Variants in ROBO1 observed in about 807,000 individuals in gnomAD.
ROBO1 encodes the protein roundabout guidance receptor 1.
In ROBO1, 149 loss-of-function variants were observed where a neutral mutation model predicts 195.9. That is an observed-to-expected ratio of 0.76 (90% CI 0.67 to 0.87). The LOEUF is 0.87. Ranked by LOEUF, ROBO1 falls within the 40% of genes least tolerant of loss-of-function variation. ROBO1 has a pLI of 0.00. For missense variants in ROBO1, 1,933 were observed against 2,068.3 expected (o/e 0.93, Z 1.27); for synonymous variants, 816 against 733.2 (o/e 1.11, Z -1.82).
chr3:78,718,071 T>C (rs1313167255), intron 5 of ROBO1, among the ~76,000 whole-genome samples, 188 bp from the exon 6 acceptor site: 2 of 152,214 alleles, frequency 1.3e-5, no homozygotes, highest in Non-Finnish European at 2.9e-5. Context: ...AAAGGTACAA[T>C]ATAAAAGAAG....
chr3:79,289,876 A>G (rs917624880), intron 2 of ROBO1, among the ~76,000 whole-genome samples: 1 of 152,014 alleles, frequency 6.6e-6, no homozygotes, highest in South Asian at 2.1e-4. Context: ...ATAGGCTGAG[A>G]TATTATTTTC....
At chr3:79,066,595 A>T (rs1175960257) in intron 3 of ROBO1, among the ~76,000 whole-genome samples, 1 of 151,944 alleles carries the variant, frequency 6.6e-6, no homozygotes, top group Non-Finnish European at 1.5e-5. Context: ...ATTTAAAAAA[A>T]TGCTTCTTAG....
chr3:79,497,422 T>C (rs919750224), intron 2 of ROBO1, among the ~76,000 whole-genome samples: 1 of 152,194 alleles, frequency 6.6e-6, no homozygotes, highest in African/African-American at 2.4e-5. Context: ...TATAAAATAA[T>C]ATCTTTTTTG....
chr3:78,717,972 T>C (rs2081945287), intron 5 of ROBO1, 89 bp from the exon 6 acceptor site: 8 of 1,265,114 alleles, frequency 6.3e-6, no homozygotes, highest in Non-Finnish European at 8.9e-6. Context: ...GACTGCTTTC[T>C]AAGCATATAA....
chr3:79,333,673 A>T (rs2034543543), intron 2 of ROBO1, among the ~76,000 whole-genome samples: 1 of 152,146 alleles, frequency 6.6e-6, no homozygotes, highest in Admixed American at 6.6e-5. Context: ...ACACTCACAG[A>T]TCTCAGACAT....
intron 1 of ROBO1, among the ~76,000 whole-genome samples, chr3:79,675,146 G>A (rs974121457): frequency 1.3e-5 from 2 of 151,838 alleles, no homozygotes; most frequent in African/African-American, 2.4e-5. Context: ...AACATTAAAC[G>A]TGCATTTGGT....
chr3:79,564,814 A>C (rs767333430), intron 2 of ROBO1, among the ~76,000 whole-genome samples: 12 of 152,084 alleles, frequency 7.9e-5, no homozygotes, highest in Non-Finnish European at 1.6e-4. Flanking sequence ...TTGATAATTA[A>C]AGGAACTTAT....
intron 2 of ROBO1, among the ~76,000 whole-genome samples, chr3:79,361,884 G>T (rs544083943): frequency 2.6e-4 from 39 of 152,086 alleles, no homozygotes; most frequent in Admixed American, 2.0e-3. Flanking sequence ...TATTTAAAAA[G>T]TATATTTCTT....
chr3:78,627,323 C>T lies in ROBO1; in HGVS notation c.3873G>A (p.Arg1291=). ...ETGHMQHQPD[R]RRQPVSPPPP... ...AAAGAAGGCTAGTGACAACATACCT[C>T]CTGTCGGGCTGGTGCTGCATGTGGC... The change falls in exon 26 of 31, where the codon AGG becomes AGA. Residue 1291 remains arginine, a splice_region_variant and synonymous_variant. Coordinates refer to ENST00000464233, the MANE Select transcript of ROBO1 (RefSeq NM_002941.4). 1 of 1,611,788 alleles carries T rather than the reference C, an allele frequency of 6.2e-7. No individual in the cohort carries two copies. Among genetic ancestry groups the T allele is most frequent in the Non-Finnish European group, 8.5e-7 (1 of 1,178,944 alleles).
At chr3:79,655,784 A>G (rs569165156) in intron 1 of ROBO1, among the ~76,000 whole-genome samples, 15 of 152,208 alleles carry the variant, frequency 9.9e-5, no homozygotes, top group African/African-American at 3.6e-4. Context: ...CCGTGGCACT[A>G]TGTTTGACCG....
chr3:79,009,164 G>A (rs1385715432), intron 3 of ROBO1, among the ~76,000 whole-genome samples: 1 of 145,920 alleles, frequency 6.9e-6, no homozygotes, highest in Non-Finnish European at 1.5e-5. Flanking sequence ...ATGTTGGCCA[G>A]GCTGGTTTCA....
At chr3:78,604,782 A>G (rs1703371925) in intron 29 of ROBO1, among the ~76,000 whole-genome samples, 1 of 152,150 alleles carries the variant, frequency 6.6e-6, no homozygotes, top group Non-Finnish European at 1.5e-5. Context: ...ATCTTACCAC[A>G]ATATATCTAT....
chr3:79,614,693 G>A (rs931801913), intron 1 of ROBO1, among the ~76,000 whole-genome samples: 2 of 151,926 alleles, frequency 1.3e-5, no homozygotes, highest in Non-Finnish European at 2.9e-5. Context: ...AAATACTGAT[G>A]AGAAAAATGA....
At chr3:79,239,810 T>C (rs1259880921) in intron 2 of ROBO1, among the ~76,000 whole-genome samples, 1 of 152,206 alleles carries the variant, frequency 6.6e-6, no homozygotes, top group Non-Finnish European at 1.5e-5. Flanking sequence ...AAGCTTTATA[T>C]AGAGTATATA....
At chr3:79,763,667 C>CTTTTT (rs1559565139) in intron 1 of ROBO1, among the ~76,000 whole-genome samples, 12 of 152,134 alleles carry the variant, frequency 7.9e-5, no homozygotes, top group Non-Finnish European at 1.6e-4. Context: ...AAATGGAAAG[C>CTTTTT]CCCTCAGTTT....
chr3:78,990,376 T>C (rs150794232), intron 3 of ROBO1, among the ~76,000 whole-genome samples: 306 of 152,316 alleles, frequency 2.0e-3, no homozygotes, highest in African/African-American at 7.0e-3. Flanking sequence ...GCTACGAGCA[T>C]ATATTTCAAT....
intron 2 of ROBO1, among the ~76,000 whole-genome samples, chr3:79,502,575 C>G (rs1454631433): frequency 6.6e-6 from 1 of 152,148 alleles, no homozygotes; most frequent in African/African-American, 2.4e-5. Flanking sequence ...AGCTCCCAGT[C>G]CCATCCACTG....
intron 2 of ROBO1, among the ~76,000 whole-genome samples, chr3:79,557,696 G>A (rs137917444): frequency 0.011 from 1,374 of 121,492 alleles, 25 homozygotes; most frequent in African/African-American, 0.048. Flanking sequence ...TCGCGCCACT[G>A]CACTCCAGCC....
chr3:79,310,442 T>C (rs2033430593), intron 2 of ROBO1, among the ~76,000 whole-genome samples: 1 of 152,212 alleles, frequency 6.6e-6, no homozygotes, highest in African/African-American at 2.4e-5. Flanking sequence ...AAGCTGAGAA[T>C]GGAAGTCTAT....
Sources: allele counts gnomAD v4.1 joint callset (sites outside exome capture counted in the v4.1 genomes callset), GRCh38; gene constraint gnomAD v4.1.1; transcripts MANE v1.5; gene names NCBI Gene and HGNC (gene_info 2026-07-23, HGNC 2026-07-21).